The following BMPR1A variants were observed in gnomAD, a reference collection of about 807,000 sequenced individuals.
BMPR1A encodes bone morphogenetic protein receptor type-1A.
BMPR1A carries 7 observed loss-of-function variants against 66.0 expected under a neutral mutation model. That is an observed-to-expected ratio of 0.11 (90% CI 0.06 to 0.20). The LOEUF (loss-of-function observed/expected upper bound fraction) is 0.20, where lower values mean the gene tolerates loss of function less well. BMPR1A is among the 10% of genes least tolerant of loss of function. BMPR1A has a pLI of 1.00. For synonymous variants in BMPR1A, 200 were observed against 229.7 expected (o/e 0.87, Z 1.17); for missense variants, 408 against 669.1 (o/e 0.61, Z 4.31).
At chr10:86,859,411 C>T (rs1217895033) in intron 2 of BMPR1A, among the ~76,000 whole-genome samples, 2 of 152,016 alleles carry the variant, frequency 1.3e-5, no homozygotes, top group East Asian at 3.9e-4. Flanking sequence ...TCAAGTGATC[C>T]TCCTGCCTTG....
intron 1 of BMPR1A, among the ~76,000 whole-genome samples, chr10:86,795,433 A>G (rs1841694281): frequency 6.7e-6 from 1 of 148,808 alleles, no homozygotes; most frequent in Non-Finnish European, 1.5e-5. Context: ...TTTTTTCCTA[A>G]CGCTGTAACA....
At chr10:86,873,695 C>T (rs1008966141) in intron 2 of BMPR1A, among the ~76,000 whole-genome samples, 1 of 152,176 alleles carries the variant, frequency 6.6e-6, no homozygotes, top group Non-Finnish European at 1.5e-5. Flanking sequence ...TGGAAATACA[C>T]TGGAAACTTC....
chr10:86,814,413 TTAGAA>T (rs1429076094), intron 1 of BMPR1A, among the ~76,000 whole-genome samples: 1 of 152,164 alleles, frequency 6.6e-6, no homozygotes, highest in Non-Finnish European at 1.5e-5. Flanking sequence ...GTTGCTTTCT[TTAGAA>T]TCCTATTATT....
chr10:86,852,117 T>G (rs1842575836), intron 2 of BMPR1A, among the ~76,000 whole-genome samples: 1 of 144,282 alleles, frequency 6.9e-6, no homozygotes, highest in Non-Finnish European at 1.5e-5. Context: ...CCCTCACAAC[T>G]GTTAAAAAAA....
intron 3 of BMPR1A, among the ~76,000 whole-genome samples, chr10:86,877,365 G>A (rs970912344): frequency 6.6e-6 from 1 of 151,700 alleles, no homozygotes; most frequent in Non-Finnish European, 1.5e-5. Context: ...CCACCATCAC[G>A]CCCAGCTAAT....
chr10:86,805,268 G>A (rs1196645129), intron 1 of BMPR1A, among the ~76,000 whole-genome samples: 2 of 151,716 alleles, frequency 1.3e-5, no homozygotes, highest in Non-Finnish European at 2.9e-5. Context: ...AAAAGATGTA[G>A]GAATACCATT....
At chr10:86,777,047 C>T (rs368042261) in intron 1 of BMPR1A, among the ~76,000 whole-genome samples, 46 of 152,276 alleles carry the variant, frequency 3.0e-4, no homozygotes, top group African/African-American at 1.1e-3. Flanking sequence ...ACCCATTGAC[C>T]CTATTATCTT....
At chr10:86,791,471 C>G (rs1407833312) in intron 1 of BMPR1A, among the ~76,000 whole-genome samples, 1 of 152,088 alleles carries the variant, frequency 6.6e-6, no homozygotes, top group Admixed American at 6.5e-5. Flanking sequence ...CTCGGCCTCC[C>G]AAAGTGCTGG....
intron 1 of BMPR1A, among the ~76,000 whole-genome samples, chr10:86,806,425 C>G (rs750196468): frequency 3.9e-5 from 6 of 152,166 alleles, no homozygotes; most frequent in Non-Finnish European, 7.3e-5. Flanking sequence ...ACTTTCATCA[C>G]TAGTTCTACA....
At chr10:86,831,571 C>G (rs1451358656) in intron 1 of BMPR1A, among the ~76,000 whole-genome samples, 5 of 152,242 alleles carry the variant, frequency 3.3e-5, no homozygotes, top group Admixed American at 3.3e-4. Context: ...GCCTGGGCAA[C>G]ATAGAGAGAC....
In BMPR1A at chr10:86,921,604, G is replaced by T; in HGVS notation, c.1251G>T (p.Leu417=). The stretch of plus-strand genomic sequence containing the variant: ...CTCCCGAAGTGCTGGACGAAAGCCT[G>T]AACAAAAACCACTTCCAGCCCTACA... ...YMAPEVLDES[L]NKNHFQPYIM... The change falls in exon 11 of 13, where the codon CTG becomes CTT. Residue 417 remains leucine (L), a synonymous_variant. Coordinates refer to ENST00000372037, the MANE Select transcript of BMPR1A (RefSeq NM_004329.3). 1 of 1,614,148 alleles carries T rather than the reference G, an allele frequency of 6.2e-7. No individual in the cohort carries two copies. Among genetic ancestry groups the T allele is most frequent in the Non-Finnish European group, 8.5e-7 (1 of 1,180,016 alleles).
chr10:86,887,630 A>G (rs1006708785), intron 3 of BMPR1A, among the ~76,000 whole-genome samples: 1 of 152,104 alleles, frequency 6.6e-6, no homozygotes, highest in Non-Finnish European at 1.5e-5. Context: ...TGAACCCTTC[A>G]CTTCTTGCTG....
chr10:86,822,069 C>T (rs1026296891), intron 1 of BMPR1A, among the ~76,000 whole-genome samples: 1 of 152,130 alleles, frequency 6.6e-6, no homozygotes, highest in Non-Finnish European at 1.5e-5. Flanking sequence ...CTCAAGCGAT[C>T]CACCCACCTC....
At chr10:86,839,374 C>T (rs1373314034) in intron 2 of BMPR1A, among the ~76,000 whole-genome samples, 1 of 152,156 alleles carries the variant, frequency 6.6e-6, no homozygotes, top group Non-Finnish European at 1.5e-5. Flanking sequence ...AGGTGGGTCA[C>T]ATGAGGCCAG....
intron 7 of BMPR1A, among the ~76,000 whole-genome samples, chr10:86,902,372 G>GT (rs113096288): frequency 0.12 from 18,335 of 147,846 alleles, 1,407 homozygotes; most frequent in African/African-American, 0.21. Context: ...TTCTTTTTTT[G>GT]TTTTTTTTTC....
intron 1 of BMPR1A, among the ~76,000 whole-genome samples, chr10:86,760,244 C>CCTTTTTTTTTTTTT (rs1841026307): frequency 3.6e-5 from 1 of 27,826 alleles, no homozygotes; most frequent in African/African-American, 1.3e-4. Flanking sequence ...TTCTTTCTTT[C>CCTTTTTTTTTTTTT]TTTCTTTTTT....
intron 8 of BMPR1A, among the ~76,000 whole-genome samples, chr10:86,914,957 A>C (rs914946019): frequency 6.6e-6 from 1 of 152,226 alleles, no homozygotes; most frequent in African/African-American, 2.4e-5. Context: ...AAACAACCCC[A>C]AAGCTCATGA....
At chr10:86,829,575 C>T (rs1176573597) in intron 1 of BMPR1A, among the ~76,000 whole-genome samples, 2 of 152,200 alleles carry the variant, frequency 1.3e-5, no homozygotes, top group Non-Finnish European at 1.5e-5. Context: ...CCAAGCTCTC[C>T]CTTGTGCTGC....
chr10:86,819,273 A>ATTTC (rs1842084801), intron 1 of BMPR1A, among the ~76,000 whole-genome samples: 1 of 152,160 alleles, frequency 6.6e-6, no homozygotes, highest in Non-Finnish European at 1.5e-5. Flanking sequence ...TTGTCTTAGA[A>ATTTC]AACTTTTCAA....
Sources: allele counts gnomAD v4.1 joint callset (sites outside exome capture counted in the v4.1 genomes callset), GRCh38; gene constraint gnomAD v4.1.1; transcripts MANE v1.5; gene names NCBI Gene and HGNC (gene_info 2026-07-23, HGNC 2026-07-21).